Variants in SRFBP1 observed in about 807,000 individuals in gnomAD.
SRFBP1 encodes serum response factor binding protein 1.
SRFBP1 carries 47 observed loss-of-function variants against 45.5 expected under a neutral mutation model. The observed-to-expected ratio is 1.03, with a 90% CI of 0.82 to 1.32. The LOEUF is 1.32. Among genes scored for constraint, SRFBP1 ranks in the 40% most tolerant of loss-of-function variants. The pLI is 0.00. For synonymous variants in SRFBP1, 203 were observed against 166.3 expected (o/e 1.22, Z -1.70); for missense variants, 621 against 484.6 (o/e 1.28, Z -2.64).
chr5:121,977,867 G>C (rs1457351388), intron 3 of SRFBP1, among the ~76,000 whole-genome samples: 1 of 152,062 alleles, frequency 6.6e-6, no homozygotes, highest in Non-Finnish European at 1.5e-5. Flanking sequence ...TAAAATCATA[G>C]GTTCTAATTT....
intron 2 of SRFBP1, among the ~76,000 whole-genome samples, chr5:122,044,377 T>C (rs1753817448): frequency 6.6e-6 from 1 of 152,156 alleles, no homozygotes. Flanking sequence ...AATAATGAGA[T>C]TGTTGAGTCA....
chr5:121,991,154 A>G (rs1043856896), intron 3 of SRFBP1, among the ~76,000 whole-genome samples: 1 of 152,130 alleles, frequency 6.6e-6, no homozygotes, highest in Non-Finnish European at 1.5e-5. Context: ...TCAATTCTGC[A>G]TGTCTCCTCC....
At chr5:122,038,917 C>G (rs541854613) in intron 2 of SRFBP1, among the ~76,000 whole-genome samples, 4 of 152,118 alleles carry the variant, frequency 2.6e-5, no homozygotes, top group South Asian at 2.1e-4. Flanking sequence ...ATAAAAAACC[C>G]CAAGGAGGGT....
chr5:122,032,341 G>A (rs6897287), downstream of SRFBP1, among the ~76,000 whole-genome samples: 1,436 of 151,362 alleles, frequency 9.5e-3, 26 homozygotes, highest in African/African-American at 0.032. Flanking sequence ...TACTATAATC[G>A]GAGGAGTGGC....
intron 3 of SRFBP1, among the ~76,000 whole-genome samples, 164 bp from the exon 4 acceptor site, chr5:121,994,435 T>A (rs889985625): frequency 1.3e-5 from 2 of 152,060 alleles, no homozygotes; most frequent in Non-Finnish European, 2.9e-5. Flanking sequence ...TCCGTTATAT[T>A]CCTGATGTTT....
intron 2 of SRFBP1, among the ~76,000 whole-genome samples, chr5:121,974,609 C>T (rs1443176501): frequency 6.6e-6 from 1 of 151,806 alleles, no homozygotes; most frequent in Admixed American, 6.6e-5. Flanking sequence ...ACTGATACAG[C>T]TTAACAAATC....
chr5:122,026,980 A>G lies in SRFBP1; in HGVS notation c.1144A>G (p.Asn382Asp). ...TGAGCCTCAGATCAAGAATCAGTTTAATAAGAAGCTATCAGGAAGACTTGA... is the reference window on the plus strand; with the variant it reads ...TGAGCCTCAGATCAAGAATCAGTTTGATAAGAAGCTATCAGGAAGACTTGA... Reference protein sequence around the residue: ...QNEPQIKNQFNKKLSGRLENT... With the variant: ...QNEPQIKNQFDKKLSGRLENT... Residue 382 changes from asparagine (N) to aspartate (D), a missense_variant, in exon 8 of 8, where the codon AAT (asparagine) becomes GAT (aspartate). By Grantham distance (23) the Asn-to-Asp change is conservative. Coordinates refer to ENST00000339397, the MANE Select transcript of SRFBP1 (RefSeq NM_152546.3). 1.2e-6 allele frequency: 2 copies of G among 1,612,962 alleles called. No homozygotes were observed. Among genetic ancestry groups the G allele is most frequent in the Non-Finnish European group, 1.7e-6 (2 of 1,179,710 alleles).
At chr5:122,049,024 G>GT (rs58833648) in intron 2 of SRFBP1, among the ~76,000 whole-genome samples, 17,849 of 151,858 alleles carry the variant, frequency 0.12, 1,140 homozygotes, top group Non-Finnish European at 0.14. Flanking sequence ...TTTTTGAAGG[G>GT]TTTTTTTGTG....
chr5:122,051,443 G>A (rs1753971742), intron 2 of SRFBP1, among the ~76,000 whole-genome samples: 1 of 151,518 alleles, frequency 6.6e-6, no homozygotes, highest in African/African-American at 2.4e-5. Flanking sequence ...GTCCTGTTTG[G>A]CTCCCTATAT....
At chr5:122,044,792 C>T (rs980570571) in intron 2 of SRFBP1, among the ~76,000 whole-genome samples, 3 of 151,992 alleles carry the variant, frequency 2.0e-5, no homozygotes, top group Non-Finnish European at 2.9e-5. Flanking sequence ...TAAATATTTT[C>T]TCCCATTCCA....
chr5:121,965,471 G>C (rs984724511), intron 1 of SRFBP1, among the ~76,000 whole-genome samples: 3 of 152,080 alleles, frequency 2.0e-5, no homozygotes, highest in Non-Finnish European at 4.4e-5. Flanking sequence ...GCTTGTTTTT[G>C]TCAGGTTTGT....
intron 4 of SRFBP1, among the ~76,000 whole-genome samples, chr5:122,000,905 G>A (rs1351690754): frequency 6.6e-6 from 1 of 152,042 alleles, no homozygotes; most frequent in Non-Finnish European, 1.5e-5. Flanking sequence ...GTTATCTAGA[G>A]TGTAACCTTG....
chr5:122,021,157 G>T (rs1184605413), intron 6 of SRFBP1, among the ~76,000 whole-genome samples: 1 of 152,114 alleles, frequency 6.6e-6, no homozygotes, highest in Non-Finnish European at 1.5e-5. Flanking sequence ...AAAGAATATG[G>T]TGTTTTTTCT....
At chr5:122,076,938 G>A, downstream of SRFBP1, 1 of 1,614,064 alleles carries the variant, frequency 6.2e-7, no homozygotes, top group Admixed American at 1.7e-5. Context: ...GTTGTACATG[G>A]ACATCTTCTG....
downstream of SRFBP1, among the ~76,000 whole-genome samples, chr5:122,029,442 A>T (rs1280878282): frequency 6.6e-6 from 1 of 152,128 alleles, no homozygotes; most frequent in Non-Finnish European, 1.5e-5. Context: ...TCTTAGTTAT[A>T]TTCTTTATAC....
At chr5:122,070,440 G>A (rs368688278) in intron 2 of SRFBP1, 14 of 932,334 alleles carry the variant, frequency 1.5e-5, no homozygotes, top group Admixed American at 2.0e-5. Context: ...ATCCAGAGAA[G>A]AGGGCCTATT....
At chr5:122,043,374 C>T (rs113527348) in intron 2 of SRFBP1, among the ~76,000 whole-genome samples, 1 of 152,060 alleles carries the variant, frequency 6.6e-6, no homozygotes, top group Non-Finnish European at 1.5e-5. Flanking sequence ...CCTTGCTACA[C>T]CCGGCTAGGT....
At chr5:121,980,269 A>G (rs984792294) in intron 3 of SRFBP1, among the ~76,000 whole-genome samples, 7 of 152,154 alleles carry the variant, frequency 4.6e-5, no homozygotes, top group African/African-American at 1.2e-4. Flanking sequence ...TAATATAATA[A>G]TAGTGTTTTG....
chr5:121,965,589 A>C (rs373708159), intron 1 of SRFBP1, among the ~76,000 whole-genome samples: 1 of 152,042 alleles, frequency 6.6e-6, no homozygotes, highest in African/African-American at 2.4e-5. Flanking sequence ...TTTGGTTACT[A>C]TAGCCTTGTA....
Sources: allele counts gnomAD v4.1 joint callset (sites outside exome capture counted in the v4.1 genomes callset), GRCh38; gene constraint gnomAD v4.1.1; transcripts MANE v1.5; gene names NCBI Gene and HGNC (gene_info 2026-07-23, HGNC 2026-07-21).